The following SIPA1L1 variants were observed in gnomAD, a reference collection of about 807,000 sequenced individuals.
SIPA1L1 encodes signal-induced proliferation-associated 1-like protein 1.
SIPA1L1 carries 26 observed loss-of-function variants against 162.7 expected under a neutral mutation model. That is an observed-to-expected ratio of 0.16 (90% CI 0.12 to 0.22). The LOEUF is 0.22. Ranked by LOEUF, SIPA1L1 falls within the 10% of genes least tolerant of loss-of-function variation. The pLI, the probability that SIPA1L1 is intolerant of heterozygous loss-of-function variation, is 1.00. For missense variants in SIPA1L1, 1,874 were observed against 2,241.0 expected (o/e 0.84, Z 3.31); for synonymous variants, 829 against 837.4 (o/e 0.99, Z 0.17).
intron 2 of SIPA1L1, among the ~76,000 whole-genome samples, chr14:71,479,598 A>G (rs1343574832): frequency 6.6e-6 from 1 of 151,678 alleles, no homozygotes; most frequent in Non-Finnish European, 1.5e-5. Context: ...AATAGAGACA[A>G]GGTCTCACTA....
At chr14:71,340,365 C>G (rs1037973881) in intron 2 of SIPA1L1, among the ~76,000 whole-genome samples, 1 of 151,730 alleles carries the variant, frequency 6.6e-6, no homozygotes, top group Non-Finnish European at 1.5e-5. Context: ...GGCCCTAGTG[C>G]CCAGTTAGTA....
intron 2 of SIPA1L1, among the ~76,000 whole-genome samples, chr14:71,416,812 T>C (rs2042805231): frequency 6.6e-6 from 1 of 152,006 alleles, no homozygotes; most frequent in Non-Finnish European, 1.5e-5. Flanking sequence ...ATTAAATCCA[T>C]CATTCTTTTT....
intron 2 of SIPA1L1, among the ~76,000 whole-genome samples, chr14:71,493,889 G>A (rs977362737): frequency 2.6e-4 from 39 of 152,104 alleles, no homozygotes; most frequent in Middle Eastern, 6.3e-3. Flanking sequence ...TATTATGAAG[G>A]AACTTTATAC....
At chr14:71,386,033 G>A (rs140582111) in intron 2 of SIPA1L1, among the ~76,000 whole-genome samples, 37 of 152,062 alleles carry the variant, frequency 2.4e-4, no homozygotes, top group African/African-American at 7.2e-4. Context: ...TATGCTTACC[G>A]TATATCTCAG....
chr14:71,372,542 C>G (rs144846514), intron 2 of SIPA1L1, among the ~76,000 whole-genome samples: 2,468 of 152,232 alleles, frequency 0.016, 23 homozygotes, highest in Middle Eastern at 0.027. Context: ...CATGTACATT[C>G]TGTCCTAGTG....
At chr14:71,676,523 C>T (rs192437573) in intron 12 of SIPA1L1, among the ~76,000 whole-genome samples, 9 of 148,340 alleles carry the variant, frequency 6.1e-5, no homozygotes, top group South Asian at 2.1e-4. Context: ...ATGTGTGCAA[C>T]GTGCAGGTTT....
chr14:71,663,324 C>T (rs1025495102), intron 10 of SIPA1L1, among the ~76,000 whole-genome samples: 9 of 151,858 alleles, frequency 5.9e-5, no homozygotes, highest in South Asian at 2.1e-4. Context: ...TTAGACTTAC[C>T]GCATATCTCA....
At chr14:71,428,714 C>T (rs904035198) in intron 2 of SIPA1L1, among the ~76,000 whole-genome samples, 6 of 152,144 alleles carry the variant, frequency 3.9e-5, no homozygotes, top group Non-Finnish European at 4.4e-5. Flanking sequence ...CCTCTTTGCA[C>T]TTTTGTGATC....
intron 2 of SIPA1L1, among the ~76,000 whole-genome samples, chr14:71,477,768 G>A (rs1243018249): frequency 3.3e-5 from 5 of 151,706 alleles, no homozygotes; most frequent in Non-Finnish European, 7.4e-5. Context: ...AAGGACATTT[G>A]GTTTGTTCTA....
At chr14:71,489,741 C>T (rs1266412314) in intron 2 of SIPA1L1, among the ~76,000 whole-genome samples, 2 of 151,428 alleles carry the variant, frequency 1.3e-5, no homozygotes, top group Non-Finnish European at 2.9e-5. Flanking sequence ...GCCAAAAAAT[C>T]TCATAATGTT....
At chr14:71,360,186 C>T (rs2037671020) in intron 2 of SIPA1L1, among the ~76,000 whole-genome samples, 1 of 152,172 alleles carries the variant, frequency 6.6e-6, no homozygotes, top group Non-Finnish European at 1.5e-5. Context: ...TTATAATGTT[C>T]TAAAGGTTTC....
intron 4 of SIPA1L1, among the ~76,000 whole-genome samples, chr14:71,563,240 A>G (rs1209446041): frequency 6.7e-6 from 1 of 150,006 alleles, no homozygotes; most frequent in Admixed American, 6.6e-5. Context: ...TTTTAGTACA[A>G]ATACTTCTTT....
chr14:71,622,913 T>C lies in SIPA1L1; in HGVS notation c.1630-1135T>C, dbSNP rs1169794161. Among the ~76,000 whole-genome samples, 4 of 152,214 alleles carry C rather than the reference T, an allele frequency of 2.6e-5. No homozygotes were observed. In the East Asian group the frequency reaches 7.7e-4, roughly 29 times the overall value. ...GCCTCATCCATTTCTCCCTGTACTCTCCTTGTGTCCATCTACAATAATCAC... is the reference window on the plus strand; with the variant it reads ...GCCTCATCCATTTCTCCCTGTACTCCCCTTGTGTCCATCTACAATAATCAC... On this transcript the variant is annotated intron_variant, in intron 6 of 23. Transcript: ENST00000381232.
At position 71,533,744 on chromosome 14, in the gene SIPA1L1, A is replaced by G. The variant is rs562315486; in HGVS notation, c.-303+4374A>G. Among the ~76,000 whole-genome samples the G allele has an allele frequency of 2.0e-5, 3 of 152,326 alleles. No individual in the cohort carries two copies. The South Asian group carries it at 6.2e-4, about 32-fold the overall frequency. On this transcript the variant is annotated intron_variant, in intron 4 of 23. Transcript: ENST00000381232. ...GGAGTTGTTGAAAATCACATATTCA[A>G]ATTATAAAATTGTTAGAACATATGC...
At chr14:71,614,232 A>C (rs898310138) in intron 5 of SIPA1L1, among the ~76,000 whole-genome samples, 11 of 151,776 alleles carry the variant, frequency 7.2e-5, no homozygotes, top group Non-Finnish European at 1.3e-4. Context: ...AAAAAAAAAA[A>C]CAAAAACCTG....
chr14:71,484,077 A>G (rs2048556035), intron 2 of SIPA1L1, among the ~76,000 whole-genome samples: 1 of 152,228 alleles, frequency 6.6e-6, no homozygotes, highest in Admixed American at 6.5e-5. Context: ...AGCCTGCTGC[A>G]GAAACGGACA....
intron 3 of SIPA1L1, among the ~76,000 whole-genome samples, chr14:71,514,722 T>A (rs1011831291): frequency 6.6e-6 from 1 of 152,152 alleles, no homozygotes; most frequent in South Asian, 2.1e-4. Context: ...CTTAAAGCAA[T>A]TGAAGGTAGA....
chr14:71,561,179 C>G (rs1304903596), intron 4 of SIPA1L1, among the ~76,000 whole-genome samples: 1 of 152,120 alleles, frequency 6.6e-6, no homozygotes, highest in Admixed American at 6.5e-5. Context: ...TTATATTCCA[C>G]TTTTTAGGCT....
At chr14:71,457,273 G>T (rs1418405230) in intron 2 of SIPA1L1, among the ~76,000 whole-genome samples, 1 of 151,688 alleles carries the variant, frequency 6.6e-6, no homozygotes, top group East Asian at 1.9e-4. Context: ...CTCCAAACAG[G>T]CTATATGGTA....
Sources: gnomAD v4.1 joint callset for allele counts (sites outside exome capture counted in the v4.1 genomes callset) on GRCh38, gnomAD v4.1.1 for gene constraint, MANE v1.5 for transcripts, NCBI Gene and HGNC (gene_info 2026-07-23, HGNC 2026-07-21) for gene names.